Variants in CD80 observed in about 807,000 individuals in gnomAD.
CD80 encodes CD80 molecule.
A neutral mutation model predicts 27.1 loss-of-function variants in CD80; 13 were observed. The observed-to-expected ratio is 0.48, with a 90% CI of 0.31 to 0.76. The LOEUF (loss-of-function observed/expected upper bound fraction) is 0.76. Among genes scored for constraint, CD80 ranks in the 30% least tolerant of loss-of-function variants. CD80 has a pLI of 0.04. For missense variants in CD80, 277 were observed against 347.9 expected (o/e 0.80, Z 1.62); for synonymous variants, 125 against 125.5 (o/e 1.00, Z 0.03).
rs901327366 is a variant in CD80, at chr3:119,557,742, T to C, written c.-14A>G. 4.4e-6 allele frequency: 7 copies of C among 1,600,326 alleles called. No individual in the cohort carries two copies. In the Admixed American group the frequency reaches 1.2e-4, roughly 27 times the overall value. ...TGTGTGGCCCATGGCTTCAGATGCT[T>C]AGGGTCAAAAGTGAAAGCCAACAAT... On this transcript the variant is annotated 5_prime_UTR_variant, in exon 2 of 7. Coordinates refer to ENST00000264246, the MANE Select transcript of CD80 (RefSeq NM_005191.4).
rs780526034 is a variant in CD80, at chr3:119,527,828, T to C, written c.810A>G (p.Arg270=). ...ICCLTYCFAP[R]CRERRRNERL... ...TCTCATTCCTCCTTCTCTCTCTGCA[T>C]CTTGGGGCAAAGCCTTGGAGACAAG... Residue 270 remains arginine (R), a synonymous_variant, in exon 6 of 7, where the codon AGA becomes AGG. Transcript: ENST00000264246. 1.9e-6 allele frequency: 3 copies of C among 1,613,836 alleles called. No individual in the cohort carries two copies. The highest frequency in any genetic ancestry group is 2.5e-6 in the Non-Finnish European group (3 of 1,179,732).
At chr3:119,540,461 T>G (rs925066562) in intron 3 of CD80, among the ~76,000 whole-genome samples, 2 of 152,146 alleles carry the variant, frequency 1.3e-5, no homozygotes, top group Admixed American at 1.3e-4. Context: ...TTTTTGTTTG[T>G]TTCAATGAAC....
chr3:119,537,482 T>A (rs1394663522), intron 3 of CD80, 64 bp from the exon 4 acceptor site: 1 of 1,108,846 alleles, frequency 9.0e-7, no homozygotes, highest in East Asian at 2.4e-5. Context: ...AGAGGTTTAT[T>A]TTTAAATAAT....
intron 2 of CD80, among the ~76,000 whole-genome samples, chr3:119,556,652 C>T (rs1242537139): frequency 6.6e-6 from 1 of 152,204 alleles, no homozygotes; most frequent in Non-Finnish European, 1.5e-5. Flanking sequence ...CCCAACTCCT[C>T]TTCTCTTCCC....
intron 2 of CD80, among the ~76,000 whole-genome samples, chr3:119,548,133 A>T (rs1008928551): frequency 8.5e-5 from 13 of 152,124 alleles, no homozygotes; most frequent in African/African-American, 3.1e-4. Context: ...GGCGCCCGCC[A>T]TCATGCCCAG....
intron 2 of CD80, among the ~76,000 whole-genome samples, chr3:119,556,354 C>A (rs2082264758): frequency 6.6e-6 from 1 of 151,450 alleles, no homozygotes; most frequent in African/African-American, 2.4e-5. Flanking sequence ...CTCTTTCTGT[C>A]TCTCCCCCTC....
chr3:119,528,543 CTTCT>C (rs2082091066), intron 5 of CD80, among the ~76,000 whole-genome samples: 2 of 152,152 alleles, frequency 1.3e-5, no homozygotes, highest in African/African-American at 2.4e-5. Context: ...TTAGAAATCT[CTTCT>C]TTCATCAGCC....
At chr3:119,525,823 T>C (rs369587736) in intron 6 of CD80, 74 bp from the exon 7 acceptor site, 1 of 148,488 alleles carries the variant, frequency 6.7e-6, no homozygotes, top group South Asian at 2.1e-4. Flanking sequence ...TTTATTTATA[T>C]ATTAAATTAT....
chr3:119,557,808 C>G lies in CD80; in HGVS notation c.-80G>C. 1 of 866,122 alleles carries G rather than the reference C, an allele frequency of 1.2e-6. No individual in the cohort carries two copies. The highest frequency in any genetic ancestry group is 1.8e-6 in the Non-Finnish European group (1 of 551,810). The allele number at this position is 866,122 out of a possible 1,614,324, so 53.7% of individuals were successfully genotyped here. A position where few individuals can be genotyped will look rare whatever the true frequency, so the allele number is the denominator to read the frequency against. ...ACCAGGGCACTTCCCAGGTGCAAAA[C>G]AGGCAGGGCTGATGACAATCCAATT... is the stretch of plus-strand genomic sequence containing the variant. On this transcript the variant is annotated 5_prime_UTR_variant, in exon 2 of 7. Transcript: ENST00000264246.
intron 4 of CD80, among the ~76,000 whole-genome samples, chr3:119,536,020 G>A (rs1475674988): frequency 3.9e-5 from 6 of 152,156 alleles, no homozygotes; most frequent in Non-Finnish European, 7.4e-5. Flanking sequence ...GGGAGGCTGA[G>A]GCGGGCGGAT....
intron 3 of CD80, among the ~76,000 whole-genome samples, chr3:119,543,415 A>G (rs1460232099): frequency 6.7e-6 from 1 of 149,462 alleles, no homozygotes; most frequent in Non-Finnish European, 1.5e-5. Flanking sequence ...TTTTTTTAAG[A>G]CAGAGTCTCT....
intron 2 of CD80, among the ~76,000 whole-genome samples, chr3:119,556,364 C>T (rs932720895): frequency 6.6e-6 from 1 of 151,438 alleles, no homozygotes; most frequent in Admixed American, 6.6e-5. Flanking sequence ...CTCTCCCCCT[C>T]CCTGCCCCCC....
intron 3 of CD80, among the ~76,000 whole-genome samples, chr3:119,543,733 C>G (rs1402483320): frequency 6.6e-6 from 1 of 152,038 alleles, no homozygotes; most frequent in Non-Finnish European, 1.5e-5. Flanking sequence ...GCCCAATTCT[C>G]TAACATCTAA....
chr3:119,555,815 T>A (rs915653247), intron 2 of CD80, among the ~76,000 whole-genome samples: 1 of 152,256 alleles, frequency 6.6e-6, no homozygotes, highest in Admixed American at 6.5e-5. Context: ...TTTTAGGAGA[T>A]GCTCATGTTT....
At chr3:119,553,730 A>C (rs1349359216) in intron 2 of CD80, among the ~76,000 whole-genome samples, 1 of 152,268 alleles carries the variant, frequency 6.6e-6, no homozygotes, top group Non-Finnish European at 1.5e-5. Context: ...CGGGACATAC[A>C]TGATCTCCCT....
intron 6 of CD80, 94 bp downstream of exon 6, chr3:119,527,639 T>G (rs1577105990): frequency 4.6e-6 from 3 of 659,126 alleles, no homozygotes; most frequent in Non-Finnish European, 8.0e-6. Flanking sequence ...TTTAAGAAGG[T>G]GAGGTAGTGG....
chr3:119,551,731 A>T (rs979826354), intron 2 of CD80, among the ~76,000 whole-genome samples: 7 of 152,196 alleles, frequency 4.6e-5, no homozygotes, highest in Admixed American at 3.9e-4. Context: ...CGATCACAGG[A>T]TACCAGATGT....
At chr3:119,534,985 A>G (rs2082129016) in intron 4 of CD80, among the ~76,000 whole-genome samples, 1 of 152,156 alleles carries the variant, frequency 6.6e-6, no homozygotes. Flanking sequence ...TAAGGTCGAG[A>G]GTTCAAGACC....
chr3:119,555,776 T>C (rs1015745722), intron 2 of CD80, among the ~76,000 whole-genome samples: 2 of 152,246 alleles, frequency 1.3e-5, no homozygotes, highest in Admixed American at 6.5e-5. Flanking sequence ...GCAAGAGCCA[T>C]GTCCCCAGGA....
Sources: gnomAD v4.1 joint callset for allele counts (sites outside exome capture counted in the v4.1 genomes callset) on GRCh38, gnomAD v4.1.1 for gene constraint, MANE v1.5 for transcripts, NCBI Gene and HGNC (gene_info 2026-07-23, HGNC 2026-07-21) for gene names.